The following CTSC variants were observed in gnomAD, a reference collection of about 807,000 sequenced individuals.
CTSC encodes the protein dipeptidyl peptidase 1.
In CTSC, 37 loss-of-function variants were observed where a neutral mutation model predicts 40.9. The ratio of observed to expected loss-of-function variants is 0.91; its 90% CI spans 0.70 to 1.19. CTSC has a LOEUF of 1.19. Among genes scored for constraint, CTSC ranks in the 50% most tolerant of loss-of-function variants. The probability of loss-of-function intolerance (pLI) is 0.00; values close to 1 mark genes in which losing one functional copy is unlikely to be tolerated. For missense variants in CTSC, 594 were observed against 567.3 expected (o/e 1.05, Z -0.48); for synonymous variants, 232 against 207.4 (o/e 1.12, Z -1.02).
chr11:88,307,556 C>CTTTTTTTTTTTTTTTTTTTTT (rs5793311), intron 4 of CTSC, among the ~76,000 whole-genome samples: 2 of 73,490 alleles, frequency 2.7e-5, no homozygotes, highest in Non-Finnish European at 5.0e-5. Context: ...ATACTGATAA[C>CTTTTTTTTTTTTTTTTTTTTT]TTTTTTTTTT....
At chr11:88,304,738 T>C (rs1412624913) in intron 4 of CTSC, among the ~76,000 whole-genome samples, 2 of 152,156 alleles carry the variant, frequency 1.3e-5, no homozygotes, top group Non-Finnish European at 2.9e-5. Flanking sequence ...AAAACCAAGA[T>C]GGCGATGAGA....
chr11:88,307,692 A>T (rs571515413), intron 4 of CTSC, among the ~76,000 whole-genome samples: 2 of 151,920 alleles, frequency 1.3e-5, no homozygotes, highest in South Asian at 2.1e-4. Context: ...AGCACAAATG[A>T]AGATGAAAAA....
At chr11:88,299,949 T>A (rs538023958) in intron 5 of CTSC, among the ~76,000 whole-genome samples, 6 of 152,340 alleles carry the variant, frequency 3.9e-5, no homozygotes, top group African/African-American at 1.4e-4. Context: ...ATAATAGGAA[T>A]ACTTTTCATG....
chr11:88,301,835 C>CACACACACAG (rs1400376232), intron 4 of CTSC, among the ~76,000 whole-genome samples: 6 of 150,590 alleles, frequency 4.0e-5, no homozygotes, highest in African/African-American at 1.2e-4. Flanking sequence ...CACACACACA[C>CACACACACAG]AGAGAGAGAA....
At chr11:88,298,967 A>C (rs1172197339) in intron 5 of CTSC, 2 of 152,180 alleles carry the variant, frequency 1.3e-5, no homozygotes, top group Non-Finnish European at 2.9e-5. Flanking sequence ...TGAATTTAAA[A>C]AATGCTTTAT....
Position 88,334,988 on chromosome 11 carries a change from G to C in CTSC, c.267C>G (p.Asn89Lys), listed in dbSNP as rs1204970382. Residue 89 changes from asparagine (N) to lysine (K), a missense_variant, in exon 2 of 7, where the codon AAC becomes AAG. Physicochemically the swap from Asn to Lys is moderately conservative, Grantham distance 94 (BLOSUM62 0). Transcript: ENST00000227266. ...GNSGHFTIIY[N>K]QGFEIVLNDY... ...CATTCAACACAATCTCAAAGCCTTG[G>C]TTGTAAATGATGGTGAAATGGCCAG... 1 of 1,611,796 alleles carries C rather than the reference G, an allele frequency of 6.2e-7. No homozygotes were observed. Among genetic ancestry groups the C allele is most frequent in the Non-Finnish European group, 8.5e-7 (1 of 1,178,322 alleles).
At position 88,300,587 on chromosome 11, in the gene CTSC, ATGT is replaced by A. The variant is rs751829521; in HGVS notation, c.697_699del (p.Thr233del). Reference sequence around the variant, plus strand: ...CCATGAACATTTCTCCAGTCCCAAGATGTTGGCAAATGCAAAATCTTTTGCTGT... The same window carrying A: ...CCATGAACATTTCTCCAGTCCCAAGATGGCAAATGCAAAATCTTTTGCTGT... On this transcript the variant is annotated inframe_deletion, in exon 5 of 7. Transcript: ENST00000227266. The A allele has an allele frequency of 2.5e-6, 4 of 1,613,986 alleles. No individual in the cohort carries two copies. The East Asian group carries it at 8.9e-5, about 36-fold the overall frequency.
At chr11:88,308,489 T>C (rs971837482) in intron 4 of CTSC, among the ~76,000 whole-genome samples, 1 of 151,878 alleles carries the variant, frequency 6.6e-6, no homozygotes, top group Non-Finnish European at 1.5e-5. Flanking sequence ...TATTTTATTT[T>C]ATTTTATCTT....
At chr11:88,310,697 C>T (rs550960217) in intron 3 of CTSC, among the ~76,000 whole-genome samples, 2 of 152,106 alleles carry the variant, frequency 1.3e-5, no homozygotes, top group African/African-American at 4.8e-5. Context: ...AACCCAGAGA[C>T]GTACCCTTAT....
At chr11:88,333,677 A>G (rs1283629416) in intron 2 of CTSC, among the ~76,000 whole-genome samples, 3 of 149,464 alleles carry the variant, frequency 2.0e-5, no homozygotes, top group African/African-American at 7.5e-5. Context: ...ATTTATATAG[A>G]TACTATTGTA....
intron 4 of CTSC, 132 bp from the exon 5 acceptor site, chr11:88,300,777 T>C: frequency 1.5e-6 from 1 of 679,022 alleles, no homozygotes; most frequent in Non-Finnish European, 2.7e-6. Context: ...AGAGCACCTG[T>C]TTTATGAGTG....
chr11:88,307,327 G>A (rs925393654), intron 4 of CTSC, among the ~76,000 whole-genome samples: 4 of 152,202 alleles, frequency 2.6e-5, no homozygotes, highest in South Asian at 2.1e-4. Context: ...GGACTTATCC[G>A]TGGCCATTTA....
At chr11:88,312,366 T>A (rs1477739518) in intron 3 of CTSC, 22 bp downstream of exon 3, 2 of 1,611,746 alleles carry the variant, frequency 1.2e-6, no homozygotes, top group African/African-American at 1.3e-5. Context: ...ACTAAACGTA[T>A]GTCTCATTTG....
At chr11:88,325,326 T>A in intron 2 of CTSC, 1 of 985,400 alleles carries the variant, frequency 1.0e-6, no homozygotes, top group Non-Finnish European at 1.2e-6. Context: ...GGCAAGAAAG[T>A]CAGTAGCCTA....
In CTSC at chr11:88,296,146, G is replaced by A. The variant is rs779546300; in HGVS notation, c.876C>T (p.Ser292=). ...ILSPQEVVSC[S]QYAQGCEGGF... ...TGCAACACTTACCTTGAGCATACTGGCTACAAGACACAACCTCCTGAGGGC... is the reference window on the plus strand; with the variant it reads ...TGCAACACTTACCTTGAGCATACTGACTACAAGACACAACCTCCTGAGGGC... The change falls in exon 6 of 7, where the codon AGC becomes AGT. Residue 292 remains serine (S), a synonymous_variant. Transcript: ENST00000227266. 6.2e-7 allele frequency: 1 copy of A among 1,613,884 alleles called. No homozygotes were observed. The highest frequency in any genetic ancestry group is 1.1e-5 in the South Asian group (1 of 91,078).
intron 4 of CTSC, among the ~76,000 whole-genome samples, chr11:88,303,135 A>AT (rs1040730926): frequency 6.6e-5 from 10 of 151,904 alleles, no homozygotes; most frequent in Non-Finnish European, 1.2e-4. Context: ...AAGAAACTCA[A>AT]TTTTTTTTTA....
At chr11:88,309,088 G>GCTTAGGACTGC in intron 4 of CTSC, 75 bp downstream of exon 4, 1 of 1,349,556 alleles carries the variant, frequency 7.4e-7, no homozygotes, top group Non-Finnish European at 1.1e-6. Flanking sequence ...GAGCAACACT[G>GCTTAGGACTGC]GTAGGACTGC....
intron 2 of CTSC, among the ~76,000 whole-genome samples, chr11:88,331,500 A>C (rs1208292919): frequency 6.6e-6 from 1 of 152,266 alleles, no homozygotes; most frequent in Non-Finnish European, 1.5e-5. Flanking sequence ...TCCCAGACAC[A>C]GGAGCTTCTG....
At chr11:88,335,976 C>A (rs978884207) in intron 1 of CTSC, among the ~76,000 whole-genome samples, 1 of 152,074 alleles carries the variant, frequency 6.6e-6, no homozygotes, top group East Asian at 1.9e-4. Context: ...TCCTATAAAA[C>A]CAATTAGTGC....
Sources: gnomAD v4.1 joint callset for allele counts (sites outside exome capture counted in the v4.1 genomes callset) on GRCh38, gnomAD v4.1.1 for gene constraint, MANE v1.5 for transcripts, NCBI Gene and HGNC (gene_info 2026-07-23, HGNC 2026-07-21) for gene names.